The following RAB39A variants were observed in gnomAD, a reference collection of about 807,000 sequenced individuals.
The protein encoded by RAB39A is ras-related protein Rab-39A.
A neutral mutation model predicts 20.9 loss-of-function variants in RAB39A; 17 were observed. The observed-to-expected ratio is 0.81, with a 90% CI of 0.56 to 1.22. RAB39A has a LOEUF of 1.22. Ranked by LOEUF, RAB39A falls within the 50% of genes most tolerant of loss-of-function variation. RAB39A has a pLI of 0.00. For synonymous variants in RAB39A, 99 were observed against 103.4 expected, an observed-to-expected ratio of 0.96 and a Z score of 0.26; for missense variants, 234 against 270.5, an observed-to-expected ratio of 0.87 and a Z score of 0.95.
At chr11:107,953,281 C>T (rs1377969542) in intron 1 of RAB39A, among the ~76,000 whole-genome samples, 25 of 152,060 alleles carry the variant, frequency 1.6e-4, no homozygotes, top group Admixed American at 1.6e-3. Flanking sequence ...TTTTTTCTTA[C>T]AAAGTCTATG....
chr11:107,946,396 A>ATGTGTGTGTGTGTGTG (rs71047654), intron 1 of RAB39A, among the ~76,000 whole-genome samples: 4 of 37,640 alleles, frequency 1.1e-4, no homozygotes, highest in East Asian at 8.2e-4. Flanking sequence ...GGGTGTATAT[A>ATGTGTGTGTGTGTGTG]TGTGTGTGTG....
intron 1 of RAB39A, among the ~76,000 whole-genome samples, chr11:107,933,494 C>G (rs1463300980): frequency 6.6e-6 from 1 of 151,054 alleles, no homozygotes; most frequent in African/African-American, 2.4e-5. Flanking sequence ...ATTCTCCTCC[C>G]TCAGCCTCCC....
rs543123333 is a variant in RAB39A at position 107,928,875 on chromosome 11, C to T, written c.227+80C>T. The T allele has an allele frequency of 1.7e-6, 2 of 1,206,570 alleles. No individual in the cohort carries two copies. Among genetic ancestry groups the T allele is most frequent in the Non-Finnish European group, 2.3e-6 (2 of 880,372 alleles). The allele number at this position is 1,206,570 out of a possible 1,614,324, so 74.7% of individuals were successfully genotyped here. On this transcript the variant is annotated intron_variant, in intron 1 of 1. Coordinates refer to ENST00000320578, the MANE Select transcript of RAB39A (RefSeq NM_017516.3). This position sits in a 1 kb window ranked among gnomAD's most constrained non-coding sequence, Gnocchi z 4.9. ...CCCCTTCCCCAGGCGTCCGCCCCGC[C>T]GGCCCTGGTCGGGAGAGGCTCTGGC...
intron 1 of RAB39A, among the ~76,000 whole-genome samples, chr11:107,954,987 CTTTTTTTTTTTTTT>C (rs60838211): frequency 3.6e-5 from 2 of 54,862 alleles, no homozygotes; most frequent in African/African-American, 1.5e-4. Flanking sequence ...AGAAAGCATG[CTTTTTTTTTTTTTT>C]TTTTTTTTTT....
chr11:107,958,401 G>A (rs182933888), intron 1 of RAB39A, among the ~76,000 whole-genome samples: 1 of 152,288 alleles, frequency 6.6e-6, no homozygotes, highest in East Asian at 1.9e-4. Flanking sequence ...ACTTATGGGA[G>A]GAAGGTCAAG....
chr11:107,946,788 T>A (rs12791284), intron 1 of RAB39A, among the ~76,000 whole-genome samples: 52,945 of 149,710 alleles, frequency 0.35, 10,037 homozygotes, highest in Admixed American at 0.49. Flanking sequence ...CTATTTTTTT[T>A]AAAAAAAAGA....
chr11:107,946,452 ATATATATATTTTTTT>A (rs1861316748), intron 1 of RAB39A, among the ~76,000 whole-genome samples: 3 of 71,800 alleles, frequency 4.2e-5, no homozygotes, highest in East Asian at 6.9e-4. Context: ...ATATATATAT[ATATATATATTTTTTT>A]TTTTTTTTTT....
chr11:107,946,678 G>T (rs957792812), intron 1 of RAB39A, among the ~76,000 whole-genome samples: 10 of 150,494 alleles, frequency 6.6e-5, no homozygotes, highest in Non-Finnish European at 5.9e-5. Context: ...GTTTCACTGT[G>T]TTAGCCAGGA....
At chr11:107,956,310 A>G (rs559173836) in intron 1 of RAB39A, among the ~76,000 whole-genome samples, 181 of 152,314 alleles carry the variant, frequency 1.2e-3, no homozygotes, top group African/African-American at 4.3e-3. Context: ...AATGCCCACT[A>G]TGTGCTAGGT....
chr11:107,956,350 G>C (rs1423398061), intron 1 of RAB39A, among the ~76,000 whole-genome samples: 4 of 152,184 alleles, frequency 2.6e-5, no homozygotes, highest in Non-Finnish European at 5.9e-5. Flanking sequence ...TCAACAGTGA[G>C]CAGTATTGAC....
intron 1 of RAB39A, among the ~76,000 whole-genome samples, chr11:107,929,767 T>G (rs756510699): frequency 6.6e-5 from 10 of 152,210 alleles, no homozygotes; most frequent in Non-Finnish European, 1.3e-4. Flanking sequence ...ATATTTGAGA[T>G]GGAAGCAGGT....
rs1176886915 is a variant in RAB39A, at chr11:107,962,291, A to G, written c.573A>G (p.Glu191=). The G allele has an allele frequency of 1.2e-6, 2 of 1,613,878 alleles. No individual in the cohort carries two copies. Among genetic ancestry groups the G allele is most frequent in the African/African-American group, 2.7e-5 (2 of 75,040 alleles). ...KGEICIQDGW[E]GVKSGFVPNT... ...AAATTTGTATTCAGGATGGCTGGGA[A>G]GGGGTTAAAAGTGGTTTTGTTCCAA... Residue 191 remains glutamate, a synonymous_variant, in exon 2 of 2, where the codon GAA becomes GAG. Coordinates refer to ENST00000320578, the MANE Select transcript of RAB39A (RefSeq NM_017516.3).
At chr11:107,961,901 A>T in intron 1 of RAB39A, 45 bp from the exon 2 acceptor site, 1 of 1,449,278 alleles carries the variant, frequency 6.9e-7, no homozygotes, top group Non-Finnish European at 9.4e-7. Flanking sequence ...GAGAAGAAAA[A>T]GAACAAGTTG....
chr11:107,961,781 C>A (rs1162921973), intron 1 of RAB39A, among the ~76,000 whole-genome samples, 165 bp from the exon 2 acceptor site: 1 of 152,078 alleles, frequency 6.6e-6, no homozygotes, highest in Non-Finnish European at 1.5e-5. Context: ...GCGTATTAGT[C>A]CCATAGAATA....
In RAB39A at chr11:107,950,674, G is replaced by C. The variant is rs190141528; in HGVS notation, c.228-11272G>C. Among the ~76,000 whole-genome samples the C allele has an allele frequency of 4.5e-3, 686 of 151,498 alleles. 4 individuals are homozygous for C. The highest frequency in any genetic ancestry group is 0.016 in the African/African-American group (652 of 41,334). On this transcript the variant is annotated intron_variant, in intron 1 of 1. Coordinates refer to ENST00000320578, the MANE Select transcript of RAB39A (RefSeq NM_017516.3). ...CCCAGATACTGGGATGCTGAGGTGGGAGGATTAGTTGAGCCTGGGAGGTAA... is the reference window on the plus strand; with the variant it reads ...CCCAGATACTGGGATGCTGAGGTGGCAGGATTAGTTGAGCCTGGGAGGTAA...
chr11:107,946,426 GTGTGTGTGTGTA>G (rs1258762936), intron 1 of RAB39A, among the ~76,000 whole-genome samples: 53 of 21,448 alleles, frequency 2.5e-3, no homozygotes, highest in Non-Finnish European at 3.6e-3. Context: ...GTGTGTGTGT[GTGTGTGTGTGTA>G]TATATATATA....
chr11:107,958,446 A>T (rs1163222549), intron 1 of RAB39A, among the ~76,000 whole-genome samples: 1 of 152,110 alleles, frequency 6.6e-6, no homozygotes, highest in Non-Finnish European at 1.5e-5. Flanking sequence ...CCTCTGTAAG[A>T]CCTGCCTTTC....
At position 107,946,396 on chromosome 11, in the gene RAB39A, A is replaced by ATG. The variant is rs71047654; in HGVS notation, c.228-15510_228-15509dup. Among the ~76,000 whole-genome samples the ATG allele has an allele frequency of 7.1e-3, 267 of 37,600 alleles. 1 individual carries two copies. Among genetic ancestry groups the ATG allele is most frequent in the Middle Eastern group, 0.022 (1 of 46 alleles). The allele number at this position is 37,600 out of a possible 152,430, so 24.7% of individuals were successfully genotyped here. A position where few individuals can be genotyped will look rare whatever the true frequency, so the allele number is the denominator to read the frequency against. On this transcript the variant is annotated intron_variant, in intron 1 of 1. Transcript: ENST00000320578. ...CACACATATATATGTGGGTGTATAT[A>ATG]TGTGTGTGTGTGTGTGTGTGTGTGT...
intron 1 of RAB39A, among the ~76,000 whole-genome samples, chr11:107,934,288 G>A (rs1861169792): frequency 6.6e-6 from 1 of 151,972 alleles, no homozygotes; most frequent in South Asian, 2.1e-4. Context: ...TTTTTAATTA[G>A]CTGGGCATGG....
Sources: gnomAD v4.1 joint callset for allele counts (sites outside exome capture counted in the v4.1 genomes callset) on GRCh38, gnomAD v4.1.1 for gene constraint, Gnocchi (gnomAD v3.1) non-coding constraint, MANE v1.5 for transcripts, NCBI Gene and HGNC (gene_info 2026-07-23, HGNC 2026-07-21) for gene names.